THAP5: variants seen among roughly 807,000 people sequenced by gnomAD.
THAP5 encodes THAP domain-containing protein 5.
Under a neutral mutation model 34.0 loss-of-function variants are expected in THAP5, and 26 were observed. The ratio of observed to expected loss-of-function variants is 0.77; its 90% CI spans 0.56 to 1.06. The LOEUF (loss-of-function observed/expected upper bound fraction) is 1.06. Among genes scored for constraint, THAP5 ranks in the 50% least tolerant of loss-of-function variants. THAP5 has a pLI of 0.00. For synonymous variants in THAP5, 125 were observed against 153.0 expected (o/e 0.82, Z 1.35); for missense variants, 394 against 452.8 (o/e 0.87, Z 1.18).
At chr7:108,569,245 A>T in intron 1 of THAP5, 2 of 1,384,840 alleles carry the variant, frequency 1.4e-6, no homozygotes, top group Non-Finnish European at 1.9e-6. Context: ...CGCAAACTTT[A>T]CTGTTTTAAC....
the THAP5 span, among the ~76,000 whole-genome samples, chr7:108,548,995 C>T: frequency 9.9e-5 from 15 of 151,844 alleles, no homozygotes; most frequent in African/African-American, 3.6e-4. Context: ...GCCTGCAGTC[C>T]TAGTTCATTT....
downstream of THAP5, among the ~76,000 whole-genome samples, chr7:108,560,718 A>G (rs186334102): frequency 5.3e-5 from 8 of 152,230 alleles, no homozygotes; most frequent in African/African-American, 1.9e-4. Context: ...TCCAGAACCA[A>G]TTACTATGGG....
At position 108,566,012 on chromosome 7, in the gene THAP5, G is replaced by T. The variant is rs982962317; in HGVS notation, c.91C>A (p.His31Asn). The change falls in exon 2 of 3, where the codon CAT becomes AAT. Residue 31 changes from histidine (H) to asparagine (N), a missense_variant. Transcript: ENST00000415914. ...RKLSFYPFPL[H>N]DKERLEKWLK... ...CACTTTTCCAGTCTTTCTTTGTCAT[G>T]TAGAGGAAATCTGGAATTTAAAAAA... 8 of 1,503,442 alleles carry T rather than the reference G, an allele frequency of 5.3e-6. No individual in the cohort carries two copies. Among genetic ancestry groups the T allele is most frequent in the Non-Finnish European group, 7.1e-6 (8 of 1,131,544 alleles). 93.1% of individuals were successfully genotyped at this position (1,503,442 alleles called of 1,614,324 possible).
At chr7:108,569,110 T>G in intron 1 of THAP5, 1 of 1,046,974 alleles carries the variant, frequency 9.6e-7, no homozygotes, top group Non-Finnish European at 1.2e-6. Context: ...TCGCGGGGGG[T>G]GTAAATTAAC....
downstream of THAP5, among the ~76,000 whole-genome samples, chr7:108,550,831 G>T (rs1028833242): frequency 1.2e-4 from 19 of 152,148 alleles, no homozygotes; most frequent in Non-Finnish European, 8.8e-5. Context: ...TAAAGGCCCT[G>T]TCTCCAAATA....
Position 108,564,940 on chromosome 7 carries a change from A to G in THAP5, c.439T>C (p.Ser147Pro). The change falls in exon 3 of 3, where the codon TCC (serine) becomes CCC (proline). Residue 147 changes from serine to proline, a missense_variant. By Grantham distance (74) the Ser-to-Pro change is moderately conservative (BLOSUM62 -1). Transcript: ENST00000415914. Reference protein sequence around the residue: ...HQHPELLHSSSLVKPPAPKTG... With the variant: ...HQHPELLHSSPLVKPPAPKTG... ...TTGGGAGCTGGTGGCTTTACCAAGG[A>G]AGATGAATGAAGTAATTCTGGATGT... is the stretch of plus-strand genomic sequence containing the variant. The G allele has an allele frequency of 6.4e-7, 1 of 1,564,730 alleles. No homozygotes were observed. The highest frequency in any genetic ancestry group is 8.7e-7 in the Non-Finnish European group (1 of 1,151,946).
chr7:108,566,875 G>C (rs1790498248), intron 1 of THAP5, among the ~76,000 whole-genome samples: 1 of 152,088 alleles, frequency 6.6e-6, no homozygotes, highest in South Asian at 2.1e-4. Context: ...AAAGGTTTGG[G>C]TCAAGGTATA....
chr7:108,545,593 G>C, the THAP5 span, among the ~76,000 whole-genome samples: 5 of 152,224 alleles, frequency 3.3e-5, no homozygotes, highest in East Asian at 9.6e-4. Context: ...TAATTGTCTA[G>C]AAAAATATCT....
At chr7:108,556,819 TC>T (rs1864389798) in intron 1 of THAP5, among the ~76,000 whole-genome samples, 2 of 152,216 alleles carry the variant, frequency 1.3e-5, no homozygotes, top group Non-Finnish European at 2.9e-5. Flanking sequence ...GTGTGGGGGC[TC>T]CAACTCCACA....
intron 1 of THAP5, among the ~76,000 whole-genome samples, chr7:108,556,809 G>A (rs1864389724): frequency 6.6e-6 from 1 of 152,244 alleles, no homozygotes. Context: ...TAGGGACTCT[G>A]TGTGGGGGCT....
At position 108,566,030 on chromosome 7, in the gene THAP5, T is replaced by TA; in HGVS notation, c.81-9_81-8insT. 6.7e-7 allele frequency: 1 copy of TA among 1,498,466 alleles called. No homozygotes were observed. The highest frequency in any genetic ancestry group is 2.8e-5 in the Admixed American group (1 of 36,302). 92.8% of individuals were successfully genotyped at this position (1,498,466 alleles called of 1,614,324 possible). A position where few individuals can be genotyped will look rare whatever the true frequency, so the allele number is the denominator to read the frequency against. The stretch of plus-strand genomic sequence containing the variant: ...TTGTCATGTAGAGGAAATCTGGAAT[T>TA]TAAAAAAAAAAGAAGAAAAAAGGAA... On this transcript the variant is annotated splice_polypyrimidine_tract_variant and intron_variant, in intron 1 of 2. Transcript: ENST00000415914.
chr7:108,558,389 A>G (rs1418483301), downstream of THAP5, among the ~76,000 whole-genome samples: 2,738 of 77,372 alleles, frequency 0.035, 239 homozygotes, highest in African/African-American at 0.1. Flanking sequence ...ATGTATATAT[A>G]TATATATATA....
At chr7:108,544,986 A>T in the THAP5 span, among the ~76,000 whole-genome samples, 1 of 152,224 alleles carries the variant, frequency 6.6e-6, no homozygotes, top group Non-Finnish European at 1.5e-5. Context: ...GAAATGCAGT[A>T]ATGCAAGTTT....
At chr7:108,565,582 T>C (rs947738370) in intron 2 of THAP5, 29 of 289,634 alleles carry the variant, frequency 1.0e-4, no homozygotes, top group African/African-American at 6.1e-4. Context: ...AAAAAAAGTA[T>C]AAAAAATAAA....
downstream of THAP5, among the ~76,000 whole-genome samples, chr7:108,552,787 G>A (rs1057461845): frequency 5.6e-5 from 7 of 125,780 alleles, no homozygotes; most frequent in African/African-American, 1.8e-4. Context: ...GTGAGAGAGC[G>A]AGACTCTGTC....
intron 1 of THAP5, among the ~76,000 whole-genome samples, chr7:108,556,622 C>T (rs40931): frequency 0.31 from 46,964 of 152,154 alleles, 7,623 homozygotes; most frequent in Non-Finnish European, 0.35. Context: ...CCCAAGGCCT[C>T]GGGCAGCTCT....
At chr7:108,551,940 C>CT (rs1864356121), downstream of THAP5, among the ~76,000 whole-genome samples, 1 of 152,214 alleles carries the variant, frequency 6.6e-6, no homozygotes, top group African/African-American at 2.4e-5. Flanking sequence ...TATTTTTGTT[C>CT]TTTTTTCTTG....
At chr7:108,551,155 T>C (rs1284509094), downstream of THAP5, among the ~76,000 whole-genome samples, 2 of 152,228 alleles carry the variant, frequency 1.3e-5, no homozygotes, top group Non-Finnish European at 2.9e-5. Context: ...TGTTTTCTTA[T>C]GACTACATAA....
Position 108,564,774 on chromosome 7 carries a change from G to C in THAP5, c.605C>G (p.Ser202Cys), listed in dbSNP as rs1328610612. Residue 202 changes from serine to cysteine, a missense_variant, in exon 3 of 3, where the codon TCT becomes TGT. Physicochemically the swap from Ser to Cys is moderately radical, Grantham distance 112. Coordinates refer to ENST00000415914, the MANE Select transcript of THAP5 (RefSeq NM_001130475.3). Reference protein sequence around the residue: ...GFHTCFENLNSTTITLTTSNS... With the variant: ...GFHTCFENLNCTTITLTTSNS... ...TGAAGTTGTCAAAGTAATAGTTGTA[G>C]AATTTAGATTCTCAAAACATGTGTG... is the stretch of plus-strand genomic sequence containing the variant. 1.2e-6 allele frequency: 2 copies of C among 1,613,166 alleles called. No homozygotes were observed. Among genetic ancestry groups the C allele is most frequent in the Non-Finnish European group, 1.7e-6 (2 of 1,179,412 alleles).
Sources: allele counts gnomAD v4.1 joint callset (sites outside exome capture counted in the v4.1 genomes callset), GRCh38; gene constraint gnomAD v4.1.1; transcripts MANE v1.5; gene names NCBI Gene and HGNC (gene_info 2026-07-23, HGNC 2026-07-21).